Variants in COL10A1 observed in about 807,000 individuals in gnomAD.
COL10A1 encodes collagen type X alpha 1 chain.
COL10A1 carries 10 observed loss-of-function variants against 18.2 expected under a neutral mutation model. That is an observed-to-expected ratio of 0.55 (90% CI 0.34 to 0.93). The LOEUF (loss-of-function observed/expected upper bound fraction) is 0.93. Ranked by LOEUF, COL10A1 falls within the 40% of genes least tolerant of loss-of-function variation. COL10A1 has a pLI of 0.02. For missense variants in COL10A1, 897 were observed against 853.5 expected, an observed-to-expected ratio of 1.05 and a Z score of -0.64; for synonymous variants, 330 against 316.6, an observed-to-expected ratio of 1.04 and a Z score of -0.45.
chr6:116,178,237 A>G, the COL10A1 span, among the ~76,000 whole-genome samples: 4 of 152,030 alleles, frequency 2.6e-5, no homozygotes, highest in African/African-American at 7.2e-5. Context: ...GATCATACCT[A>G]GGGGACCTCT....
chr6:116,211,592 G>A, the COL10A1 span, among the ~76,000 whole-genome samples: 4 of 151,932 alleles, frequency 2.6e-5, no homozygotes, highest in African/African-American at 9.7e-5. Context: ...CATTAGCCAT[G>A]CCAAATAAGT....
chr6:116,163,462 T>G (rs913675309), upstream of COL10A1, among the ~76,000 whole-genome samples: 2 of 152,138 alleles, frequency 1.3e-5, no homozygotes, highest in South Asian at 4.1e-4. Flanking sequence ...TGGTATCAAT[T>G]TTAATGTTAT....
At chr6:116,128,392 T>C (rs983613347), upstream of COL10A1, among the ~76,000 whole-genome samples, 1 of 152,152 alleles carries the variant, frequency 6.6e-6, no homozygotes, top group Non-Finnish European at 1.5e-5. Context: ...TGTTTACTTG[T>C]AGCTGTTTGA....
the COL10A1 span, among the ~76,000 whole-genome samples, chr6:116,212,797 A>G: frequency 6.6e-6 from 1 of 152,128 alleles, no homozygotes; most frequent in Non-Finnish European, 1.5e-5. Flanking sequence ...AGCATTTCAT[A>G]TTTGAACTAG....
At position 116,121,508 on chromosome 6, in the gene COL10A1, C is replaced by T. The variant is rs754873544; in HGVS notation, c.608G>A (p.Gly203Asp). Reference sequence around the variant, plus strand: ...TGTGGGACCCTGAGGGCCTGGAAGACCCCTCTCACCTGGACGACCAGGAGC... The same window carrying T: ...TGTGGGACCCTGAGGGCCTGGAAGATCCCTCTCACCTGGACGACCAGGAGC... ...YGAPGRPGER[G>D]LPGPQGPTGP... Residue 203 changes from glycine (G) to aspartate (D), a missense_variant, in exon 3 of 3, where the codon GGT (glycine) becomes GAT (aspartate). By Grantham distance (94) the Gly-to-Asp change is moderately conservative (BLOSUM62 -1). Coordinates refer to ENST00000651968, the MANE Select transcript of COL10A1 (RefSeq NM_000493.4). The T allele has an allele frequency of 1.9e-6, 3 of 1,614,198 alleles. No homozygotes were observed. Among genetic ancestry groups the T allele is most frequent in the Middle Eastern group, 3.3e-4 (2 of 6,062 alleles).
the COL10A1 span, among the ~76,000 whole-genome samples, chr6:116,204,976 A>G: frequency 2.0e-5 from 3 of 152,046 alleles, no homozygotes; most frequent in Admixed American, 2.0e-4. Flanking sequence ...GTGTAAGTCC[A>G]TAACACCTTA....
upstream of COL10A1, among the ~76,000 whole-genome samples, chr6:116,126,960 T>G (rs1366827024): frequency 1.3e-5 from 2 of 152,184 alleles, no homozygotes; most frequent in Admixed American, 6.5e-5. Flanking sequence ...GTAGTTAGAC[T>G]CTGTTTAACA....
rs116412175 is a variant in COL10A1 at position 116,122,922 on chromosome 6, G to C, written c.155-961C>G. On this transcript the variant is annotated intron_variant, in intron 2 of 2. Transcript: ENST00000651968. ...TTTCAGAAAATGACATCAGGAAAAAGACTGTGAGAAAAATTTATGTAAAAG... is the reference window on the plus strand; with the variant it reads ...TTTCAGAAAATGACATCAGGAAAAACACTGTGAGAAAAATTTATGTAAAAG... 8.1e-3 allele frequency among the ~76,000 whole-genome samples: 1,239 copies of C among 152,202 alleles called. 21 individuals carry two copies. The highest frequency in any genetic ancestry group is 0.028 in the African/African-American group (1,174 of 41,538).
At chr6:116,126,679 C>T (rs183906210), upstream of COL10A1, among the ~76,000 whole-genome samples, 2 of 152,216 alleles carry the variant, frequency 1.3e-5, no homozygotes, top group Admixed American at 6.5e-5. Context: ...CACAACACTA[C>T]GCTATATTCA....
the COL10A1 span, among the ~76,000 whole-genome samples, chr6:116,196,521 G>T: frequency 3.3e-5 from 5 of 152,030 alleles, no homozygotes; most frequent in East Asian, 7.8e-4. Context: ...GTTTTTAATA[G>T]CACAAAGAAA....
chr6:116,216,219 A>G, the COL10A1 span, among the ~76,000 whole-genome samples: 1 of 152,298 alleles, frequency 6.6e-6, no homozygotes, highest in East Asian at 1.9e-4. Context: ...TTAGGTAATA[A>G]AGATACTATA....
the COL10A1 span, among the ~76,000 whole-genome samples, chr6:116,212,744 A>T: frequency 6.6e-6 from 1 of 152,082 alleles, no homozygotes; most frequent in African/African-American, 2.4e-5. Flanking sequence ...TACTGCTATA[A>T]TCACTCTGTA....
At chr6:116,209,521 A>G in the COL10A1 span, among the ~76,000 whole-genome samples, 3 of 152,050 alleles carry the variant, frequency 2.0e-5, no homozygotes, top group Admixed American at 1.3e-4. Context: ...TGTTGATTAT[A>G]GTGTAACATG....
At chr6:116,164,008 G>C in the COL10A1 span, among the ~76,000 whole-genome samples, 3 of 152,108 alleles carry the variant, frequency 2.0e-5, no homozygotes, top group African/African-American at 7.2e-5. Context: ...TGTGCTTTGT[G>C]ACCAAGCATA....
intron 1 of COL10A1, among the ~76,000 whole-genome samples, chr6:116,139,047 A>G (rs1779696847): frequency 6.6e-6 from 1 of 152,164 alleles, no homozygotes; most frequent in South Asian, 2.1e-4. Flanking sequence ...TTAGAAAATG[A>G]CTGATAAAAT....
At chr6:116,134,148 G>T (rs1031334013) in intron 1 of COL10A1, among the ~76,000 whole-genome samples, 1 of 152,182 alleles carries the variant, frequency 6.6e-6, no homozygotes, top group Non-Finnish European at 1.5e-5. Context: ...AATTGTGATT[G>T]GTGATGATGA....
At chr6:116,208,144 T>G in the COL10A1 span, among the ~76,000 whole-genome samples, 1 of 152,002 alleles carries the variant, frequency 6.6e-6, no homozygotes, top group African/African-American at 2.4e-5. Context: ...ATGTTCCTGT[T>G]ATTTTTTCTG....
the COL10A1 span, among the ~76,000 whole-genome samples, chr6:116,197,370 A>G: frequency 7.0e-4 from 107 of 152,126 alleles, 1 homozygote; most frequent in Middle Eastern, 3.4e-3. Context: ...ATTCTCTGCT[A>G]GGTCTCTGAT....
chr6:116,143,943 C>T (rs1226491526), intron 1 of COL10A1, among the ~76,000 whole-genome samples: 6 of 152,088 alleles, frequency 3.9e-5, no homozygotes, highest in Non-Finnish European at 5.9e-5. Flanking sequence ...TAATAAAGAA[C>T]TGATGTGAGT....
Sources: allele counts gnomAD v4.1 joint callset (sites outside exome capture counted in the v4.1 genomes callset), GRCh38; gene constraint gnomAD v4.1.1; transcripts MANE v1.5; gene names NCBI Gene and HGNC (gene_info 2026-07-23, HGNC 2026-07-21).